The following CTDSPL2 variants were observed in gnomAD, a reference collection of about 807,000 sequenced individuals.
CTDSPL2 encodes the protein CTD small phosphatase-like protein 2.
A neutral mutation model predicts 60.0 loss-of-function variants in CTDSPL2; 5 were observed. The ratio of observed to expected loss-of-function variants is 0.08; its 90% confidence interval spans 0.04 to 0.18. The LOEUF is 0.18. Among genes scored for constraint, CTDSPL2 ranks in the 10% least tolerant of loss-of-function variants. The pLI, the probability that CTDSPL2 is intolerant of heterozygous loss-of-function variation, is 1.00. For synonymous variants in CTDSPL2, 186 were observed against 189.3 expected, an observed-to-expected ratio of 0.98 and a Z score of 0.14; for missense variants, 370 against 548.8, an observed-to-expected ratio of 0.67 and a Z score of 3.26.
At position 44,527,794 on chromosome 15, in the gene CTDSPL2, A is replaced by C. The variant is rs1171197341; in HGVS notation, c.*3620A>C. The C allele has an allele frequency of 6.6e-6, 1 of 152,132 alleles. No homozygotes were observed. Among genetic ancestry groups the C allele is most frequent in the Non-Finnish European group, 1.5e-5 (1 of 68,000 alleles). 9.4% of individuals were successfully genotyped at this position (152,132 alleles called of 1,614,324 possible). On this transcript the variant is annotated 3_prime_UTR_variant, in exon 13 of 13. Coordinates refer to ENST00000260327, the MANE Select transcript of CTDSPL2 (RefSeq NM_016396.3). Reference sequence around the variant, plus strand: ...GGGGAAGAGTGGACTGGGAACAAAAATGTATGGGCCAAAAGGCCTTAGGGT... The same window carrying C: ...GGGGAAGAGTGGACTGGGAACAAAACTGTATGGGCCAAAAGGCCTTAGGGT...
intron 6 of CTDSPL2, among the ~76,000 whole-genome samples, chr15:44,496,717 C>A (rs1032923509): frequency 6.6e-6 from 1 of 152,008 alleles, no homozygotes; most frequent in Admixed American, 6.6e-5. Flanking sequence ...AGAAATTGGC[C>A]GGACACGGTG....
intron 8 of CTDSPL2, chr15:44,501,824 T>C: frequency 2.9e-6 from 1 of 347,228 alleles, no homozygotes; most frequent in Non-Finnish European, 5.6e-6. Flanking sequence ...ATTGGGTACA[T>C]TCCCTTGGAT....
chr15:44,430,233 T>C (rs1257857462), intron 1 of CTDSPL2, among the ~76,000 whole-genome samples: 3 of 152,220 alleles, frequency 2.0e-5, no homozygotes, highest in East Asian at 3.8e-4. Context: ...TTTGTAGCTA[T>C]AGATTTTATT....
intron 1 of CTDSPL2, among the ~76,000 whole-genome samples, chr15:44,429,465 G>A (rs1465794824): frequency 6.6e-6 from 1 of 152,204 alleles, no homozygotes. Context: ...TTAGTTTGCA[G>A]CTAGCTGAGT....
chr15:44,471,770 T>G (rs1159391286), intron 2 of CTDSPL2, among the ~76,000 whole-genome samples: 2 of 152,104 alleles, frequency 1.3e-5, no homozygotes, highest in African/African-American at 4.8e-5. Flanking sequence ...GCTCCTAAAT[T>G]TCCCCTTCCT....
chr15:44,495,710 G>A (rs2081288070), intron 5 of CTDSPL2, among the ~76,000 whole-genome samples: 2 of 151,922 alleles, frequency 1.3e-5, no homozygotes, highest in African/African-American at 4.8e-5. Flanking sequence ...GAGGTGCACG[G>A]ATCACCTGGG....
At chr15:44,456,900 A>T in intron 1 of CTDSPL2, among the ~76,000 whole-genome samples, 1 of 144,654 alleles carries the variant, frequency 6.9e-6, no homozygotes, top group Admixed American at 6.9e-5. Flanking sequence ...TTTTTTTGAA[A>T]CAGGCTCTCA....
intron 2 of CTDSPL2, among the ~76,000 whole-genome samples, chr15:44,479,753 C>G (rs1001347198): frequency 6.6e-6 from 1 of 152,014 alleles, no homozygotes; most frequent in African/African-American, 2.4e-5. Context: ...TAATTTTTAT[C>G]TTTTCCCTAT....
At position 44,495,152 on chromosome 15, in the gene CTDSPL2, T is replaced by C. The variant is rs140842836; in HGVS notation, c.692-1228T>C. ...ATGCCCAGCTAATTTTGTATTTCTATAGAAATGGGGTTTCTCCATGTTTGT... is the reference window on the plus strand; with the variant it reads ...ATGCCCAGCTAATTTTGTATTTCTACAGAAATGGGGTTTCTCCATGTTTGT... On this transcript the variant is annotated intron_variant, in intron 5 of 12. Transcript: ENST00000260327. Among the ~76,000 whole-genome samples the C allele has an allele frequency of 1.2e-3, 183 of 152,184 alleles. 1 individual carries two copies. The highest frequency in any genetic ancestry group is 4.3e-3 in the African/African-American group (179 of 41,548).
At chr15:44,497,161 TAGAG>T (rs760637253) in intron 7 of CTDSPL2, 23 bp downstream of exon 7, 5 of 1,336,676 alleles carry the variant, frequency 3.7e-6, no homozygotes, top group Non-Finnish European at 5.3e-6. Context: ...TCTGTAGAGG[TAGAG>T]AGAATAAAGG....
At chr15:44,496,027 C>A (rs190019457) in intron 5 of CTDSPL2, among the ~76,000 whole-genome samples, 1 of 152,066 alleles carries the variant, frequency 6.6e-6, no homozygotes, top group African/African-American at 2.4e-5. Context: ...ACTATTACCC[C>A]TATAAGAGCA....
At chr15:44,515,036 G>T (rs975119257) in intron 10 of CTDSPL2, among the ~76,000 whole-genome samples, 192 bp downstream of exon 10, 2 of 152,044 alleles carry the variant, frequency 1.3e-5, no homozygotes, top group African/African-American at 4.8e-5. Flanking sequence ...GTTCTTTAAA[G>T]GATACAAAGA....
At chr15:44,438,263 CAA>C (rs35595063) in intron 1 of CTDSPL2, among the ~76,000 whole-genome samples, 15 of 102,150 alleles carry the variant, frequency 1.5e-4, no homozygotes, top group East Asian at 2.7e-4. Context: ...GACTCCGTCT[CAA>C]AAAAAAAAAA....
At chr15:44,430,888 C>G (rs1468686557) in intron 1 of CTDSPL2, among the ~76,000 whole-genome samples, 1 of 151,554 alleles carries the variant, frequency 6.6e-6, no homozygotes, top group Non-Finnish European at 1.5e-5. Context: ...ATGGTGTGAT[C>G]TTGGCTCAGT....
At chr15:44,519,091 A>G (rs1306537020) in intron 10 of CTDSPL2, 78 bp from the exon 11 acceptor site, 3 of 900,588 alleles carry the variant, frequency 3.3e-6, no homozygotes, top group African/African-American at 3.5e-5. Flanking sequence ...TATAAAGCCT[A>G]TGGTGTATAT....
chr15:44,433,946 C>CT (rs1178234920), intron 1 of CTDSPL2, among the ~76,000 whole-genome samples: 2 of 138,578 alleles, frequency 1.4e-5, no homozygotes, highest in African/African-American at 5.7e-5. Context: ...GAGCAAGACT[C>CT]TCGTCTCAAA....
At chr15:44,480,583 A>T (rs572754306) in intron 2 of CTDSPL2, among the ~76,000 whole-genome samples, 12 of 152,306 alleles carry the variant, frequency 7.9e-5, no homozygotes, top group Admixed American at 6.5e-4. Context: ...ACTTTGAAAA[A>T]TACAAATTTT....
intron 2 of CTDSPL2, among the ~76,000 whole-genome samples, chr15:44,466,380 A>G (rs1448648184): frequency 6.6e-6 from 1 of 152,240 alleles, no homozygotes; most frequent in Non-Finnish European, 1.5e-5. Flanking sequence ...AATGAAAAAA[A>G]ATCAGCTCAG....
chr15:44,517,776 G>C (rs1173618945), intron 10 of CTDSPL2, among the ~76,000 whole-genome samples: 1 of 152,174 alleles, frequency 6.6e-6, no homozygotes, highest in Non-Finnish European at 1.5e-5. Context: ...GAATTTACAT[G>C]CTGTATCTGC....
Sources: allele counts gnomAD v4.1 joint callset (sites outside exome capture counted in the v4.1 genomes callset), GRCh38; gene constraint gnomAD v4.1.1; transcripts MANE v1.5; gene names NCBI Gene and HGNC (gene_info 2026-07-23, HGNC 2026-07-21).